GRID2: variants seen among roughly 807,000 people sequenced by gnomAD.
GRID2 encodes glutamate ionotropic receptor delta type subunit 2, also known as glutamate receptor ionotropic, delta-2.
In GRID2, 33 loss-of-function variants were observed where a neutral mutation model predicts 114.8. The observed-to-expected ratio is 0.29, with a 90% confidence interval of 0.22 to 0.38. GRID2 has a LOEUF of 0.38. Ranked by LOEUF, GRID2 falls within the 10% of genes least tolerant of loss-of-function variation. The pLI, the probability that GRID2 is intolerant of heterozygous loss-of-function variation, is 1.00. For synonymous variants in GRID2, 505 were observed against 449.9 expected (o/e 1.12, Z -1.55); for missense variants, 1,184 against 1,257.7 (o/e 0.94, Z 0.89).
At chr4:93,326,830 C>T (rs2149219579) in intron 8 of GRID2, among the ~76,000 whole-genome samples, 1 of 152,214 alleles carries the variant, frequency 6.6e-6, no homozygotes, top group East Asian at 1.9e-4. Context: ...TACAGATTTT[C>T]TGAAATCCCT....
chr4:92,526,556 C>T (rs1725056119), intron 1 of GRID2, among the ~76,000 whole-genome samples: 1 of 152,058 alleles, frequency 6.6e-6, no homozygotes, highest in African/African-American at 2.4e-5. Flanking sequence ...GTTGGCCAGG[C>T]TAGTCTTGAA....
intron 8 of GRID2, among the ~76,000 whole-genome samples, chr4:93,297,423 T>C (rs540568973): frequency 6.6e-6 from 1 of 152,290 alleles, no homozygotes; most frequent in South Asian, 2.1e-4. Flanking sequence ...TAATTACTCA[T>C]AGGATTGATA....
intron 2 of GRID2, among the ~76,000 whole-genome samples, chr4:92,781,927 CTG>C (rs1478830725): frequency 2.0e-5 from 3 of 151,946 alleles, no homozygotes; most frequent in Admixed American, 6.6e-5. Context: ...AAATGATACA[CTG>C]TATTGATATT....
chr4:93,788,787 T>A (rs1734641650), intron 1 of GRID2, among the ~76,000 whole-genome samples: 1 of 152,226 alleles, frequency 6.6e-6, no homozygotes, highest in African/African-American at 2.4e-5. Context: ...ATTGCAGCAC[T>A]TCATCAATAT....
chr4:92,658,232 G>A (rs1732342969), intron 2 of GRID2, among the ~76,000 whole-genome samples: 1 of 151,810 alleles, frequency 6.6e-6, no homozygotes, highest in South Asian at 2.1e-4. Flanking sequence ...ATTTCAAACA[G>A]TTTAGATACG....
intron 2 of GRID2, among the ~76,000 whole-genome samples, chr4:92,737,399 G>A (rs1203320081): frequency 1.3e-5 from 2 of 151,840 alleles, no homozygotes; most frequent in Non-Finnish European, 2.9e-5. Context: ...TTTTTTAAGC[G>A]GTTCCTAAGC....
chr4:93,114,470 T>C (rs1053543315), intron 4 of GRID2, among the ~76,000 whole-genome samples: 2 of 152,078 alleles, frequency 1.3e-5, no homozygotes, highest in Non-Finnish European at 2.9e-5. Context: ...TCATCCACCA[T>C]TTTTTTAAGT....
At chr4:93,532,150 G>A (rs990580777) in intron 13 of GRID2, among the ~76,000 whole-genome samples, 2 of 152,160 alleles carry the variant, frequency 1.3e-5, no homozygotes, top group African/African-American at 4.8e-5. Context: ...GAGGGATAAT[G>A]TGTGTTAAAA....
intron 14 of GRID2, among the ~76,000 whole-genome samples, chr4:93,655,109 T>C (rs1326065308): frequency 4.6e-5 from 7 of 152,132 alleles, no homozygotes; most frequent in South Asian, 2.1e-4. Context: ...AGAAATCCAC[T>C]TGGGAATCAG....
At chr4:93,342,921 C>G (rs759925958) in intron 8 of GRID2, among the ~76,000 whole-genome samples, 5 of 152,108 alleles carry the variant, frequency 3.3e-5, no homozygotes, top group Non-Finnish European at 5.9e-5. Context: ...TTTAGTGATG[C>G]AAGGCCCCCG....
At chr4:92,654,600 A>C (rs1262602804) in intron 2 of GRID2, among the ~76,000 whole-genome samples, 1 of 151,934 alleles carries the variant, frequency 6.6e-6, no homozygotes, top group East Asian at 1.9e-4. Context: ...AATAATAGCT[A>C]TTCTGACTTG....
chr4:93,274,834 TG>T (rs1486262283), intron 8 of GRID2, among the ~76,000 whole-genome samples: 1 of 152,082 alleles, frequency 6.6e-6, no homozygotes, highest in Non-Finnish European at 1.5e-5. Context: ...GAATTTTTTT[TG>T]TTTCTTATTT....
chr4:93,416,479 A>C (rs1332229517), intron 9 of GRID2, among the ~76,000 whole-genome samples: 1 of 152,050 alleles, frequency 6.6e-6, no homozygotes, highest in Non-Finnish European at 1.5e-5. Context: ...ATATGTGAGC[A>C]GAATTATAAA....
intron 14 of GRID2, among the ~76,000 whole-genome samples, chr4:93,670,597 T>C (rs1053690902): frequency 3.3e-5 from 5 of 152,182 alleles, no homozygotes; most frequent in African/African-American, 1.2e-4. Context: ...GCTACACTGA[T>C]ACTTTCACAC....
chr4:93,588,617 C>A (rs1206182253), intron 13 of GRID2, among the ~76,000 whole-genome samples: 1 of 152,098 alleles, frequency 6.6e-6, no homozygotes, highest in Non-Finnish European at 1.5e-5. Context: ...TCATACCCAC[C>A]CAGCTTCTCC....
intron 7 of GRID2, among the ~76,000 whole-genome samples, chr4:93,234,631 T>C (rs965860879): frequency 6.8e-6 from 1 of 147,438 alleles, no homozygotes; most frequent in Non-Finnish European, 1.5e-5. Context: ...CTAGATTCTT[T>C]GTATTTGTCG....
intron 1 of GRID2, among the ~76,000 whole-genome samples, chr4:92,550,661 A>C (rs1032170796): frequency 1.4e-4 from 21 of 152,286 alleles, no homozygotes; most frequent in African/African-American, 5.1e-4. Flanking sequence ...AATTGAGGGC[A>C]CCTTCACAGT....
intron 9 of GRID2, among the ~76,000 whole-genome samples, chr4:93,404,737 A>G (rs928901309): frequency 1.1e-4 from 17 of 152,122 alleles, no homozygotes. Context: ...TTAAAGGATG[A>G]TATTTAAATT....
intron 2 of GRID2, among the ~76,000 whole-genome samples, chr4:92,713,887 G>A (rs1222631359): frequency 2.0e-5 from 3 of 151,928 alleles, no homozygotes; most frequent in Non-Finnish European, 4.4e-5. Context: ...TGAGATTTGG[G>A]TGGGGACACA....
Sources: gnomAD v4.1 joint callset for allele counts (sites outside exome capture counted in the v4.1 genomes callset) on GRCh38, gnomAD v4.1.1 for gene constraint, MANE v1.5 for transcripts, NCBI Gene and HGNC (gene_info 2026-07-23, HGNC 2026-07-21) for gene names.